Variants in PTPRM observed in about 807,000 individuals in gnomAD.
PTPRM encodes the protein receptor-type tyrosine-protein phosphatase mu.
A neutral mutation model predicts 186.7 loss-of-function variants in PTPRM; 47 were observed. The observed-to-expected ratio is 0.25, with a 90% confidence interval of 0.20 to 0.32. PTPRM has a LOEUF of 0.32. Among genes scored for constraint, PTPRM ranks in the 10% least tolerant of loss-of-function variants. PTPRM has a pLI of 1.00. For missense variants in PTPRM, 1,494 were observed against 1,865.0 expected (o/e 0.80, Z 3.66); for synonymous variants, 668 against 674.9 (o/e 0.99, Z 0.16).
intron 1 of PTPRM, among the ~76,000 whole-genome samples, chr18:7,635,757 A>C (rs2038297491): frequency 6.6e-6 from 1 of 152,236 alleles, no homozygotes; most frequent in African/African-American, 2.4e-5. Flanking sequence ...AAGCCACTGG[A>C]CACAGAACGA....
chr18:8,316,806 G>A (rs908903948), intron 21 of PTPRM, among the ~76,000 whole-genome samples: 2 of 152,160 alleles, frequency 1.3e-5, no homozygotes, highest in East Asian at 1.9e-4. Context: ...ATTTTGAATC[G>A]AGTGGCTCAG....
At chr18:7,786,030 A>T (rs1391017228) in intron 2 of PTPRM, among the ~76,000 whole-genome samples, 3 of 152,220 alleles carry the variant, frequency 2.0e-5, no homozygotes, top group Non-Finnish European at 4.4e-5. Flanking sequence ...CTGAATACAG[A>T]AAAAATCATA....
At chr18:8,050,406 TG>T (rs2087397328) in intron 7 of PTPRM, among the ~76,000 whole-genome samples, 3 of 152,104 alleles carry the variant, frequency 2.0e-5, no homozygotes, top group Admixed American at 1.3e-4. Flanking sequence ...AACTAGACTA[TG>T]AACCTTGGAG....
At chr18:8,244,007 T>C in intron 14 of PTPRM, 51 bp from the exon 15 acceptor site, 1 of 1,539,808 alleles carries the variant, frequency 6.5e-7, no homozygotes. Context: ...ATGCCAAAGC[T>C]CTGTATCCCG....
intron 22 of PTPRM, among the ~76,000 whole-genome samples, chr18:8,328,679 A>C (rs535415900): frequency 2.4e-4 from 36 of 152,260 alleles, no homozygotes; most frequent in Non-Finnish European, 4.7e-4. Context: ...CAGTGACTCC[A>C]TAAAAGTCAC....
At chr18:8,363,034 A>T (rs2095606160) in intron 23 of PTPRM, among the ~76,000 whole-genome samples, 1 of 152,184 alleles carries the variant, frequency 6.6e-6, no homozygotes, top group Non-Finnish European at 1.5e-5. Flanking sequence ...TGCTCTCTGC[A>T]TCCCCAGCAA....
chr18:7,828,833 A>G (rs1251503610), intron 2 of PTPRM, among the ~76,000 whole-genome samples: 1 of 152,178 alleles, frequency 6.6e-6, no homozygotes, highest in Non-Finnish European at 1.5e-5. Context: ...TGTTCTTGTA[A>G]AGGTAAATGA....
intron 22 of PTPRM, among the ~76,000 whole-genome samples, chr18:8,326,682 G>A (rs961256681): frequency 6.6e-5 from 10 of 152,120 alleles, no homozygotes; most frequent in Non-Finnish European, 7.4e-5. Flanking sequence ...AAGCAATGGG[G>A]AAAGGACTCC....
rs570594373 is a variant in PTPRM, at chr18:7,983,496, T to C, written c.1132+28082T>C. Among the ~76,000 whole-genome samples, 3 of 152,272 alleles carry C rather than the reference T, an allele frequency of 2.0e-5. No homozygotes were observed. The East Asian group carries it at 5.8e-4, about 30-fold the overall frequency. ...CCCTGCCCCTGTCCTGCCATGGCACTTTCAATATAGGCATTTGTCTCATAG... is the reference window on the plus strand; with the variant it reads ...CCCTGCCCCTGTCCTGCCATGGCACCTTCAATATAGGCATTTGTCTCATAG... On this transcript the variant is annotated intron_variant, in intron 7 of 32. Coordinates refer to ENST00000580170, the MANE Select transcript of PTPRM (RefSeq NM_001105244.2).
intron 3 of PTPRM, among the ~76,000 whole-genome samples, chr18:7,901,645 T>G (rs962984493): frequency 1.3e-5 from 2 of 152,230 alleles, no homozygotes; most frequent in African/African-American, 2.4e-5. Context: ...ATTACAGGCA[T>G]GAACCACTGT....
chr18:8,266,795 C>T (rs995423357), intron 19 of PTPRM, among the ~76,000 whole-genome samples: 1 of 152,026 alleles, frequency 6.6e-6, no homozygotes, highest in Non-Finnish European at 1.5e-5. Flanking sequence ...GTAGTCCCAG[C>T]TACTTGGGAG....
chr18:8,213,103 G>A (rs77636711), intron 14 of PTPRM, among the ~76,000 whole-genome samples: 7,694 of 152,272 alleles, frequency 0.051, 243 homozygotes, highest in Middle Eastern at 0.071. Flanking sequence ...GCATGATGGG[G>A]CACCCTGTCC....
At chr18:8,146,257 T>C (rs1433887444) in intron 14 of PTPRM, among the ~76,000 whole-genome samples, 1 of 152,078 alleles carries the variant, frequency 6.6e-6, no homozygotes. Context: ...CTCCCAATCT[T>C]GTGATCCGCC....
At chr18:7,867,716 C>G (rs1215777123) in intron 2 of PTPRM, among the ~76,000 whole-genome samples, 1 of 152,122 alleles carries the variant, frequency 6.6e-6, no homozygotes, top group Non-Finnish European at 1.5e-5. Context: ...GTGGTGTTCT[C>G]TGTATTTCCT....
chr18:7,793,190 A>G (rs1360558417), intron 2 of PTPRM, among the ~76,000 whole-genome samples: 1 of 152,190 alleles, frequency 6.6e-6, no homozygotes. Flanking sequence ...GTTCTGTCAT[A>G]TGCCCAATAG....
chr18:7,740,452 G>C (rs1598473075), intron 1 of PTPRM, among the ~76,000 whole-genome samples: 1 of 152,066 alleles, frequency 6.6e-6, no homozygotes, highest in Non-Finnish European at 1.5e-5. Flanking sequence ...ATGGGATCTC[G>C]CTCTGTCACA....
chr18:7,999,852 T>C (rs1381744224), intron 7 of PTPRM, among the ~76,000 whole-genome samples: 1 of 152,054 alleles, frequency 6.6e-6, no homozygotes, highest in African/African-American at 2.4e-5. Flanking sequence ...CCCACATGTA[T>C]GGAGGCTGGC....
intron 14 of PTPRM, among the ~76,000 whole-genome samples, chr18:8,241,871 C>T (rs1395138562): frequency 1.3e-5 from 2 of 152,174 alleles, no homozygotes; most frequent in Admixed American, 6.5e-5. Flanking sequence ...GTTGTGGTGT[C>T]TGCCTGGACC....
rs1016937485 is a variant in PTPRM, at chr18:7,943,614, C to T, written c.664-5567C>T. Among the ~76,000 whole-genome samples the T allele has an allele frequency of 3.3e-5, 5 of 152,114 alleles. No individual in the cohort carries two copies. In the East Asian group the frequency reaches 5.8e-4, roughly 18 times the overall value. On this transcript the variant is annotated intron_variant, in intron 5 of 32. Coordinates refer to ENST00000580170, the MANE Select transcript of PTPRM (RefSeq NM_001105244.2). ...GGTCAGAAGCCCTAAAAGAAGGTGA[C>T]GGCAGGGTTGGTTCCTCCCAAAAGC...
Sources: allele counts gnomAD v4.1 joint callset (sites outside exome capture counted in the v4.1 genomes callset), GRCh38; gene constraint gnomAD v4.1.1; transcripts MANE v1.5; gene names NCBI Gene and HGNC (gene_info 2026-07-23, HGNC 2026-07-21).